The following COL4A4 variants were observed in gnomAD, a reference collection of about 807,000 sequenced individuals.
The protein encoded by COL4A4 is collagen type IV alpha 4 chain.
A neutral mutation model predicts 192.9 loss-of-function variants in COL4A4; 105 were observed. That is an observed-to-expected ratio of 0.54 (90% CI 0.46 to 0.64). The LOEUF (loss-of-function observed/expected upper bound fraction) is 0.64. Ranked by LOEUF, COL4A4 falls within the 30% of genes least tolerant of loss-of-function variation. The pLI, the probability that COL4A4 is intolerant of heterozygous loss-of-function variation, is 0.00. For synonymous variants in COL4A4, 762 were observed against 769.9 expected (o/e 0.99, Z 0.17); for missense variants, 1,967 against 2,169.3 (o/e 0.91, Z 1.85).
intron 4 of COL4A4, among the ~76,000 whole-genome samples, chr2:227,130,293 G>A (rs2062364715): frequency 6.6e-6 from 1 of 152,228 alleles, no homozygotes; most frequent in Non-Finnish European, 1.5e-5. Flanking sequence ...ACCCTGCACT[G>A]AGAACCAGGA....
chr2:227,136,904 G>T (rs115820708), intron 4 of COL4A4, among the ~76,000 whole-genome samples: 1 of 120,326 alleles, frequency 8.3e-6, no homozygotes, highest in African/African-American at 3.6e-5. Context: ...ATAGTCCCCC[G>T]TGAGCTGTCA....
chr2:227,149,562 CAAT>C (rs573109838), intron 1 of COL4A4, among the ~76,000 whole-genome samples: 26 of 152,196 alleles, frequency 1.7e-4, no homozygotes, highest in African/African-American at 6.0e-4. Flanking sequence ...AAGCACATCT[CAAT>C]AAAAACAAAT....
chr2:227,145,858 T>C (rs2125366922), intron 2 of COL4A4, among the ~76,000 whole-genome samples: 1 of 152,292 alleles, frequency 6.6e-6, no homozygotes, highest in East Asian at 1.9e-4. Flanking sequence ...TTCATGATAA[T>C]TCCAACACAA....
chr2:227,058,914 T>TG (rs11450720), intron 28 of COL4A4, among the ~76,000 whole-genome samples: 100,723 of 151,960 alleles, frequency 0.66, 34,290 homozygotes, highest in African/African-American at 0.82. Flanking sequence ...TTTGATGCCC[T>TG]CCTGCCACCC....
the COL4A4 span, among the ~76,000 whole-genome samples, chr2:226,968,297 A>C: frequency 6.6e-6 from 1 of 152,314 alleles, no homozygotes; most frequent in South Asian, 2.1e-4. Context: ...GGAAGTGCCT[A>C]TGTGATTGTG....
At chr2:227,125,369 C>G (rs528590120) in intron 4 of COL4A4, among the ~76,000 whole-genome samples, 6 of 151,944 alleles carry the variant, frequency 3.9e-5, no homozygotes, top group Admixed American at 6.6e-5. Flanking sequence ...CCATCACACC[C>G]GTCTAAATTT....
intron 44 of COL4A4, among the ~76,000 whole-genome samples, chr2:227,012,888 C>T (rs976434638): frequency 2.6e-5 from 4 of 152,156 alleles, no homozygotes; most frequent in Non-Finnish European, 2.9e-5. Context: ...AGCCATATGA[C>T]TAGGTACTCA....
the COL4A4 span, among the ~76,000 whole-genome samples, chr2:226,988,921 C>G: frequency 6.6e-6 from 1 of 152,208 alleles, no homozygotes; most frequent in African/African-American, 2.4e-5. Flanking sequence ...TAAAGCCTTA[C>G]TATTTGCAGT....
intron 25 of COL4A4, among the ~76,000 whole-genome samples, chr2:227,062,820 C>G (rs3765192): frequency 6.6e-6 from 1 of 151,842 alleles, no homozygotes; most frequent in African/African-American, 2.4e-5. Flanking sequence ...GAGTTATAAA[C>G]GTAAGAAAAG....
rs1169386843 is a variant in COL4A4 at position 227,005,642 on chromosome 2, C to T, written c.*1683G>A. The T allele has an allele frequency of 1.3e-5, 2 of 152,184 alleles. No individual in the cohort carries two copies. Among genetic ancestry groups the T allele is most frequent in the African/African-American group, 4.8e-5 (2 of 41,444 alleles). The allele number at this position is 152,184 out of a possible 1,614,324, so 9.4% of individuals were successfully genotyped here. ...CCTGGGGGCAGCCCATAGCAAAACT[C>T]ATTTGAAATGTGTTCTGCATATAAG... On this transcript the variant is annotated 3_prime_UTR_variant, in exon 48 of 48. Coordinates refer to ENST00000396625, the MANE Select transcript of COL4A4 (RefSeq NM_000092.5).
rs775931001 is a variant in COL4A4 at position 227,008,128 on chromosome 2, CA to C, written c.4698del (p.Cys1566TrpfsTer37). The C allele has an allele frequency of 6.2e-7, 1 of 1,614,032 alleles. No homozygotes were observed. Among genetic ancestry groups the C allele is most frequent in the Non-Finnish European group, 8.5e-7 (1 of 1,179,952 alleles). ...GCCTGGGCCGGGGCCTCGCATACCG[CA>C]CAGCGGCTGACATAGGGGCGGATCG... is the stretch of plus-strand genomic sequence containing the variant. ...EEAIRPYVSR[C>X]AVCEAPAQAV... On this transcript the variant is annotated frameshift_variant, in exon 47 of 48. Transcript: ENST00000396625. LOFTEE classifies it high-confidence loss of function.
chr2:227,016,980 TCCA>T (rs1226502797), intron 44 of COL4A4, among the ~76,000 whole-genome samples: 17 of 152,254 alleles, frequency 1.1e-4, no homozygotes, highest in South Asian at 1.0e-3. Flanking sequence ...AATCTGGAAC[TCCA>T]CCACCTTCCA....
At chr2:227,062,212 G>T (rs537475845) in intron 26 of COL4A4, among the ~76,000 whole-genome samples, 1 of 144,196 alleles carries the variant, frequency 6.9e-6, no homozygotes, top group Non-Finnish European at 1.5e-5. Context: ...ACTCCAGCCC[G>T]GGAGACAAAG....
At chr2:226,995,736 C>T in the COL4A4 span, 1 of 573,580 alleles carries the variant, frequency 1.7e-6, no homozygotes, top group East Asian at 2.9e-5. Flanking sequence ...TGTTCTTGCT[C>T]ATAAACAGGT....
intron 25 of COL4A4, among the ~76,000 whole-genome samples, chr2:227,069,822 G>A (rs1320471629): frequency 6.6e-6 from 1 of 151,314 alleles, no homozygotes; most frequent in Non-Finnish European, 1.5e-5. Context: ...AGGACTTCAT[G>A]TCTAAAACAC....
At chr2:227,088,626 G>A in intron 22 of COL4A4, 27 bp downstream of exon 22, 1 of 1,613,412 alleles carries the variant, frequency 6.2e-7, no homozygotes, top group Non-Finnish European at 8.5e-7. Flanking sequence ...CTTTTAACTG[G>A]AAAGATGACT....
intron 37 of COL4A4, among the ~76,000 whole-genome samples, chr2:227,041,848 G>GAGAGAGAGAGAGAGAAAGAAAGAA (rs1971305412): frequency 2.6e-5 from 1 of 38,692 alleles, no homozygotes; most frequent in African/African-American, 1.2e-4. Context: ...AAGAAAGAAA[G>GAGAGAGAGAGAGAGAAAGAAAGAA]AGAAAGAAAG....
intron 5 of COL4A4, among the ~76,000 whole-genome samples, chr2:227,120,359 T>G (rs1452117054): frequency 6.6e-6 from 1 of 152,206 alleles, no homozygotes; most frequent in Non-Finnish European, 1.5e-5. Flanking sequence ...ATACAATGTT[T>G]TTTCAGGAAT....
intron 6 of COL4A4, 92 bp downstream of exon 6, chr2:227,119,803 T>A (rs2061681995): frequency 1.6e-6 from 1 of 618,968 alleles, no homozygotes; most frequent in Non-Finnish European, 2.5e-6. Context: ...TCTATAAATA[T>A]ATATTTTATG....
Sources: gnomAD v4.1 joint callset for allele counts (sites outside exome capture counted in the v4.1 genomes callset) on GRCh38, gnomAD v4.1.1 for gene constraint, MANE v1.5 for transcripts, NCBI Gene and HGNC (gene_info 2026-07-23, HGNC 2026-07-21) for gene names.